The following RASSF5 variants were observed in gnomAD, a reference collection of about 807,000 sequenced individuals.
The protein encoded by RASSF5 is Ras association domain family member 5.
A neutral mutation model predicts 40.5 loss-of-function variants in RASSF5; 25 were observed. That is an observed-to-expected ratio of 0.62 (90% confidence interval 0.45 to 0.86). The LOEUF (loss-of-function observed/expected upper bound fraction) is 0.86, where lower values mean the gene tolerates loss of function less well. Ranked by LOEUF, RASSF5 falls within the 40% of genes least tolerant of loss-of-function variation. The probability of loss-of-function intolerance (pLI) is 0.00; values close to 1 mark genes in which losing one functional copy is unlikely to be tolerated. For synonymous variants in RASSF5, 246 were observed against 252.4 expected (o/e 0.97, Z 0.24); for missense variants, 521 against 572.8 (o/e 0.91, Z 0.92).
At chr1:206,524,528 C>T (rs1351959047) in intron 1 of RASSF5, among the ~76,000 whole-genome samples, 1 of 90,348 alleles carries the variant, frequency 1.1e-5, no homozygotes, top group Non-Finnish European at 2.2e-5. Context: ...GGCTGGAGTG[C>T]ATATATGTTT....
Position 206,587,923 on chromosome 1 carries a change from T to G in RASSF5, c.*945T>G, listed in dbSNP as rs1248992235. ...AAGAGCAGAGGAGGGCCTGGGCTACTTGGGTTCCCCATCGGCCTCCAGCAC... is the reference window on the plus strand; with the variant it reads ...AAGAGCAGAGGAGGGCCTGGGCTACGTGGGTTCCCCATCGGCCTCCAGCAC... On this transcript the variant is annotated 3_prime_UTR_variant, in exon 6 of 6. Coordinates refer to ENST00000579436, the MANE Select transcript of RASSF5 (RefSeq NM_182663.4). The G allele has an allele frequency of 1.3e-5, 2 of 152,986 alleles. No homozygotes were observed. The highest frequency in any genetic ancestry group is 4.8e-5 in the African/African-American group (2 of 41,464). 9.5% of individuals were successfully genotyped at this position (152,986 alleles called of 1,614,324 possible).
At chr1:206,515,732 A>G (rs1435884156) in intron 1 of RASSF5, among the ~76,000 whole-genome samples, 1 of 152,190 alleles carries the variant, frequency 6.6e-6, no homozygotes, top group Non-Finnish European at 1.5e-5. Flanking sequence ...CTCCAGGTTC[A>G]TCTCTTATTT....
Position 206,584,712 on chromosome 1 carries a change from C to T in RASSF5, c.988+28C>T, listed in dbSNP as rs782685601. ...AGGAGAAAGAGTGAACCCAACCAGA[C>T]CGTTCCCTTCCTACCTGTGTCCAAG... On this transcript the variant is annotated intron_variant, in intron 4 of 5. Transcript: ENST00000579436. The surrounding 1 kb of genome is among the most constrained non-coding windows in gnomAD (Gnocchi z 4.9). 17 of 1,612,612 alleles carry T rather than the reference C, an allele frequency of 1.1e-5. No individual in the cohort carries two copies. The South Asian group carries it at 1.6e-4, about 16-fold the overall frequency.
intron 1 of RASSF5, among the ~76,000 whole-genome samples, chr1:206,517,279 G>A (rs1553395550): frequency 6.6e-6 from 1 of 152,002 alleles, no homozygotes; most frequent in Non-Finnish European, 1.5e-5. Context: ...TTCGAGACCA[G>A]CCTGGGGAAC....
chr1:206,520,334 C>T lies in RASSF5; in HGVS notation c.457+12275C>T, dbSNP rs563456783. On this transcript the variant is annotated intron_variant, in intron 1 of 5. Transcript: ENST00000579436. ...AGAAAATGGGTTTGGTGGCCGGGCG[C>T]GGTGGCTCACGCCTGTAATCCCAGC... is the stretch of plus-strand genomic sequence containing the variant. Among the ~76,000 whole-genome samples the T allele has an allele frequency of 4.6e-5, 7 of 152,274 alleles. No homozygotes were observed. In the South Asian group the frequency reaches 1.0e-3, roughly 23 times the overall value.
chr1:206,513,447 T>C lies in RASSF5; in HGVS notation c.457+5388T>C, dbSNP rs782283852. On this transcript the variant is annotated intron_variant, in intron 1 of 5. Coordinates refer to ENST00000579436, the MANE Select transcript of RASSF5 (RefSeq NM_182663.4). The surrounding 1 kb of genome is among the most constrained non-coding windows in gnomAD (Gnocchi z 5.0). ...ACCCCCAGCCCTTCTGAGGGAACCA[T>C]GTTCCTGGGGCTCAGTCAGCACCAG... Among the ~76,000 whole-genome samples the C allele has an allele frequency of 1.3e-5, 2 of 152,200 alleles. No individual in the cohort carries two copies. Among genetic ancestry groups the C allele is most frequent in the Non-Finnish European group, 2.9e-5 (2 of 68,016 alleles).
intron 2 of RASSF5, among the ~76,000 whole-genome samples, chr1:206,572,956 A>C (rs1347154937): frequency 6.6e-6 from 1 of 152,192 alleles, no homozygotes; most frequent in East Asian, 1.9e-4. Flanking sequence ...GCTTTGGTCA[A>C]ATGACTACTG....
chr1:206,508,325 CA>C (rs1666523835), intron 1 of RASSF5, among the ~76,000 whole-genome samples: 2 of 129,700 alleles, frequency 1.5e-5, no homozygotes, highest in African/African-American at 7.0e-5. Flanking sequence ...TGGCCCTCCA[CA>C]CACACACACA....
chr1:206,509,948 C>T (rs1172793074), intron 1 of RASSF5, among the ~76,000 whole-genome samples: 6 of 152,096 alleles, frequency 3.9e-5, no homozygotes, highest in Non-Finnish European at 5.9e-5. Flanking sequence ...CTTTCCTGGG[C>T]GCTCATGGTC....
chr1:206,583,171 C>T, intron 2 of RASSF5, 98 bp from the exon 3 acceptor site: 1 of 784,374 alleles, frequency 1.3e-6, no homozygotes. Flanking sequence ...GCTGGATGCT[C>T]ACTTCTTGGT....
intron 1 of RASSF5, among the ~76,000 whole-genome samples, chr1:206,514,886 CTT>C (rs1443396014): frequency 6.6e-6 from 1 of 152,206 alleles, no homozygotes; most frequent in East Asian, 1.9e-4. Context: ...GCAGAAATAA[CTT>C]TTGTTGCACT....
At position 206,583,287 on chromosome 1, in the gene RASSF5, G is replaced by C. The variant is rs545147786; in HGVS notation, c.598G>C (p.Glu200Gln). 1.4e-4 allele frequency: 226 copies of C among 1,613,220 alleles called. 3 individuals are homozygous for C. The South Asian group carries it at 2.3e-3, about 16-fold the overall frequency. ...CTTCCAGAATGTCTGTAAACCTGTG[G>C]AGGAGACACAGCGCCCGCCCACACT... ...TFSQNVCKPV[E>Q]ETQRPPTLQE... is the part of the protein sequence containing the mutation. Residue 200 changes from glutamate (E) to glutamine (Q), a missense_variant, in exon 3 of 6, where the codon GAG becomes CAG. Coordinates refer to ENST00000579436, the MANE Select transcript of RASSF5 (RefSeq NM_182663.4).
rs1006427097 is a variant in RASSF5 at position 206,576,884 on chromosome 1, C to T, written c.580-6385C>T. 3.9e-5 allele frequency among the ~76,000 whole-genome samples: 6 copies of T among 152,164 alleles called. No homozygotes were observed. The East Asian group carries it at 7.7e-4, about 20-fold the overall frequency. On this transcript the variant is annotated intron_variant, in intron 2 of 5. Transcript: ENST00000579436. ...TGGCACAATCACGGCTCACTGCAGC[C>T]TTGAACTCCTGGGGGCTCAGGTCAT... is the stretch of plus-strand genomic sequence containing the variant.
At position 206,586,810 on chromosome 1, in the gene RASSF5, C is replaced by T. The variant is rs1337085295; in HGVS notation, c.1105-16C>T. On this transcript the variant is annotated splice_polypyrimidine_tract_variant and intron_variant, in intron 5 of 5. Coordinates refer to ENST00000579436, the MANE Select transcript of RASSF5 (RefSeq NM_182663.4). Reference sequence around the variant, plus strand: ...CTATTCTGTTTCTTCCCACAAATCTCCCTCTCGCCTCACAGTGGGATGCCT... The same window carrying T: ...CTATTCTGTTTCTTCCCACAAATCTTCCTCTCGCCTCACAGTGGGATGCCT... 2 of 1,605,874 alleles carry T rather than the reference C, an allele frequency of 1.2e-6. No homozygotes were observed. The highest frequency in any genetic ancestry group is 2.7e-5 in the African/African-American group (2 of 74,678).
intron 2 of RASSF5, among the ~76,000 whole-genome samples, chr1:206,559,959 C>G (rs1668093456): frequency 6.6e-6 from 1 of 152,274 alleles, no homozygotes; most frequent in African/African-American, 2.4e-5. Context: ...GCCTTTTTAC[C>G]TTCAATGACA....
Position 206,586,978 on chromosome 1 carries a change from A to AC in RASSF5, c.*2dup. The AC allele has an allele frequency of 6.2e-7, 1 of 1,614,128 alleles. No homozygotes were observed. Among genetic ancestry groups the AC allele is most frequent in the Non-Finnish European group, 8.5e-7 (1 of 1,179,972 alleles). Reference sequence around the variant, plus strand: ...GAGAATCCCAGGGCAAACCTGGGTAACCGGTCCTGCTTCCTCTCCTCCTGG... The same window carrying AC: ...GAGAATCCCAGGGCAAACCTGGGTAACCCGGTCCTGCTTCCTCTCCTCCTGG... On this transcript the variant is annotated 3_prime_UTR_variant, in exon 6 of 6. Transcript: ENST00000579436.
intron 2 of RASSF5, among the ~76,000 whole-genome samples, chr1:206,568,641 A>T (rs1222025476): frequency 6.6e-6 from 1 of 152,114 alleles, no homozygotes; most frequent in Non-Finnish European, 1.5e-5. Flanking sequence ...GAGCCAGCAT[A>T]TGGAGGTGGA....
chr1:206,546,087 C>CTTTTTTTTTT (rs1667678821), intron 2 of RASSF5, among the ~76,000 whole-genome samples: 1 of 26,450 alleles, frequency 3.8e-5, no homozygotes, highest in Admixed American at 4.5e-4. Flanking sequence ...TCTTCTTTTT[C>CTTTTTTTTTT]TATTTTTTTT....
At position 206,507,765 on chromosome 1, in the gene RASSF5, G is replaced by A. The variant is rs559841670; in HGVS notation, c.163G>A (p.Gly55Arg). The A allele has an allele frequency of 5.3e-4, 748 of 1,408,956 alleles. 2 individuals carry two copies. In the Middle Eastern group the frequency reaches 7.8e-3, roughly 15 times the overall value. The allele number at this position is 1,408,956 out of a possible 1,614,324, so 87.3% of individuals were successfully genotyped here. Reference protein sequence around the residue: ...CVPAPLSTAPGAREGRSARRA... With the variant: ...CVPAPLSTAPRAREGRSARRA... Reference sequence around the variant, plus strand: ...CCCGGCGCCCCTCTCCACTGCGCCCGGGGCGCGCGAGGGGCGCAGCGCCCG... The same window carrying A: ...CCCGGCGCCCCTCTCCACTGCGCCCAGGGCGCGCGAGGGGCGCAGCGCCCG... Residue 55 changes from glycine (G) to arginine (R), a missense_variant, in exon 1 of 6, where the codon GGG (glycine) becomes AGG (arginine). Physicochemically the swap from Gly to Arg is moderately radical, Grantham distance 125. Around this residue, in one of 2 missense-constraint regions of RASSF5, gnomAD observed 237 missense variants for 212.0 expected, o/e 1.12. Transcript: ENST00000579436.
Sources: allele counts gnomAD v4.1 joint callset (sites outside exome capture counted in the v4.1 genomes callset), GRCh38; gene constraint gnomAD v4.1.1; regional missense constraint gnomAD v4.1.1; non-coding constraint Gnocchi (gnomAD v3.1); transcripts MANE v1.5; gene names NCBI Gene and HGNC (gene_info 2026-07-23, HGNC 2026-07-21).